The following ARHGAP44 variants were observed in gnomAD, a reference collection of about 807,000 sequenced individuals.
ARHGAP44 encodes Rho GTPase activating protein 44.
In ARHGAP44, 43 loss-of-function variants were observed where a neutral mutation model predicts 106.8. The observed-to-expected ratio is 0.40, with a 90% CI of 0.32 to 0.52. The LOEUF (loss-of-function observed/expected upper bound fraction) is 0.52. ARHGAP44 is among the 20% of genes least tolerant of loss of function. ARHGAP44 has a pLI of 0.48. For missense variants in ARHGAP44, 866 were observed against 1,050.5 expected (o/e 0.82, Z 2.43); for synonymous variants, 439 against 410.3 (o/e 1.07, Z -0.85).
chr17:12,972,419 G>A (rs556105286), intron 16 of ARHGAP44, among the ~76,000 whole-genome samples: 4 of 151,946 alleles, frequency 2.6e-5, no homozygotes, highest in East Asian at 2.0e-4. Context: ...AGGCTGAGGC[G>A]AATGGATCAC....
intron 18 of ARHGAP44, among the ~76,000 whole-genome samples, chr17:12,976,673 G>A (rs889132223): frequency 6.6e-6 from 1 of 151,994 alleles, no homozygotes; most frequent in African/African-American, 2.4e-5. Flanking sequence ...AAGGGACAGG[G>A]GGTTAGATAG....
chr17:12,803,700 T>A (rs1348899558), intron 1 of ARHGAP44, among the ~76,000 whole-genome samples: 1 of 152,164 alleles, frequency 6.6e-6, no homozygotes, highest in African/African-American at 2.4e-5. Flanking sequence ...TTCTTTGTAT[T>A]CTTGCCCTTA....
intron 1 of ARHGAP44, among the ~76,000 whole-genome samples, chr17:12,800,597 C>T (rs1334724485): frequency 5.3e-5 from 8 of 152,286 alleles, no homozygotes; most frequent in Non-Finnish European, 1.5e-5. Context: ...AAGTAGAAGG[C>T]AATCCTGATA....
chr17:12,814,651 A>G (rs2034544621), intron 1 of ARHGAP44, among the ~76,000 whole-genome samples: 1 of 152,084 alleles, frequency 6.6e-6, no homozygotes, highest in South Asian at 2.1e-4. Context: ...ATGGGAATAT[A>G]TGTTTATATG....
At chr17:12,926,280 G>A (rs1598065440) in intron 6 of ARHGAP44, among the ~76,000 whole-genome samples, 1 of 151,422 alleles carries the variant, frequency 6.6e-6, no homozygotes, top group Non-Finnish European at 1.5e-5. Flanking sequence ...CAGAAGAATC[G>A]CTTGAACCCA....
At chr17:12,989,941 G>A in intron 20 of ARHGAP44, 91 bp from the exon 21 acceptor site, 1 of 1,530,956 alleles carries the variant, frequency 6.5e-7, no homozygotes, top group Non-Finnish European at 8.9e-7. Context: ...CAGCACCCCT[G>A]CCTCCTAAGG....
In ARHGAP44 at chr17:12,811,682, C is replaced by T. The variant is rs549789350; in HGVS notation, c.53+21791C>T. 2.7e-3 allele frequency among the ~76,000 whole-genome samples: 404 copies of T among 152,242 alleles called. 4 individuals carry two copies. Among genetic ancestry groups the T allele is most frequent in the Admixed American group, 4.0e-3 (61 of 15,304 alleles). ...ATTAAGTCTAGGTAATTAGTGTCAG[C>T]ATTGAGTTGAATTTTAGGACACCCA... On this transcript the variant is annotated intron_variant, in intron 1 of 20. Transcript: ENST00000379672.
At chr17:12,961,836 A>G (rs1344004204) in intron 16 of ARHGAP44, among the ~76,000 whole-genome samples, 1 of 152,164 alleles carries the variant, frequency 6.6e-6, no homozygotes, top group Non-Finnish European at 1.5e-5. Flanking sequence ...AAGGAAGTGT[A>G]GTGAATTGTA....
At chr17:12,977,140 A>G (rs1435568448) in intron 18 of ARHGAP44, among the ~76,000 whole-genome samples, 4 of 150,934 alleles carry the variant, frequency 2.7e-5, no homozygotes, top group African/African-American at 7.3e-5. Flanking sequence ...TTTAAAGCCA[A>G]CTCACATTGC....
chr17:12,817,072 C>A (rs2034619238), intron 1 of ARHGAP44, among the ~76,000 whole-genome samples: 1 of 152,094 alleles, frequency 6.6e-6, no homozygotes, highest in Non-Finnish European at 1.5e-5. Flanking sequence ...AGAGTATGTT[C>A]TCTGACCATA....
At chr17:12,901,131 C>G (rs958786845) in intron 3 of ARHGAP44, among the ~76,000 whole-genome samples, 8 of 151,942 alleles carry the variant, frequency 5.3e-5, no homozygotes, top group Non-Finnish European at 1.2e-4. Context: ...ACCATGTTGG[C>G]CAGGCTGGTA....
intron 1 of ARHGAP44, among the ~76,000 whole-genome samples, chr17:12,875,453 G>A (rs2036523456): frequency 6.6e-6 from 1 of 152,058 alleles, no homozygotes; most frequent in African/African-American, 2.4e-5. Flanking sequence ...AAATTGCCAG[G>A]TGTGGTGGTA....
intron 1 of ARHGAP44, among the ~76,000 whole-genome samples, chr17:12,830,353 TC>T (rs1351517698): frequency 6.6e-6 from 1 of 152,168 alleles, no homozygotes; most frequent in African/African-American, 2.4e-5. Flanking sequence ...TCTTCCTGGT[TC>T]TTTGACTACT....
chr17:12,986,957 CTG>C (rs1285519687), intron 20 of ARHGAP44: 4 of 736,064 alleles, frequency 5.4e-6, no homozygotes, highest in Non-Finnish European at 6.6e-6. Flanking sequence ...GTTCAGGTCT[CTG>C]AGCCAGTGTA....
chr17:12,898,079 G>A (rs1267311499), intron 3 of ARHGAP44, among the ~76,000 whole-genome samples: 8 of 152,128 alleles, frequency 5.3e-5, no homozygotes, highest in African/African-American at 1.9e-4. Context: ...AAGGGGACAG[G>A]CCACATCACC....
At chr17:12,901,296 T>C (rs2037370114) in intron 3 of ARHGAP44, among the ~76,000 whole-genome samples, 2 of 151,980 alleles carry the variant, frequency 1.3e-5, no homozygotes, top group African/African-American at 4.8e-5. Context: ...AGACGTGACA[T>C]GGGGCGGGAC....
intron 4 of ARHGAP44, among the ~76,000 whole-genome samples, chr17:12,914,892 A>C (rs1416960472): frequency 6.6e-6 from 1 of 152,224 alleles, no homozygotes; most frequent in Non-Finnish European, 1.5e-5. Context: ...TGTAGACTGA[A>C]CTAAGCAAAG....
chr17:12,853,981 A>G (rs1302301888), intron 1 of ARHGAP44, among the ~76,000 whole-genome samples: 1 of 151,810 alleles, frequency 6.6e-6, no homozygotes, highest in Non-Finnish European at 1.5e-5. Flanking sequence ...TTCTCACCTT[A>G]TTTCCTGTTG....
At chr17:12,986,990 TG>T in intron 20 of ARHGAP44, 1 of 988,758 alleles carries the variant, frequency 1.0e-6, no homozygotes, top group Non-Finnish European at 1.5e-6. Context: ...TGGTTTGATG[TG>T]GCCCGTCTGG....
Sources: allele counts gnomAD v4.1 joint callset (sites outside exome capture counted in the v4.1 genomes callset), GRCh38; gene constraint gnomAD v4.1.1; transcripts MANE v1.5; gene names NCBI Gene and HGNC (gene_info 2026-07-23, HGNC 2026-07-21).